NTN1: variants seen among roughly 807,000 people sequenced by gnomAD.
NTN1 encodes the protein netrin 1.
In NTN1, 11 loss-of-function variants were observed where a neutral mutation model predicts 54.2. The observed-to-expected ratio is 0.20, with a 90% CI of 0.13 to 0.34. The LOEUF is 0.34. Ranked by LOEUF, NTN1 falls within the 10% of genes least tolerant of loss-of-function variation. The pLI is 1.00. For synonymous variants in NTN1, 371 were observed against 382.0 expected, an observed-to-expected ratio of 0.97 and a Z score of 0.33; for missense variants, 740 against 893.1, an observed-to-expected ratio of 0.83 and a Z score of 2.18.
chr17:9,164,390 A>G (rs1328022038), intron 3 of NTN1, among the ~76,000 whole-genome samples: 1 of 150,488 alleles, frequency 6.6e-6, no homozygotes, highest in Non-Finnish European at 1.5e-5. Flanking sequence ...GCGCCACCGC[A>G]CTCCAGCCTG....
intron 6 of NTN1, among the ~76,000 whole-genome samples, chr17:9,231,420 G>C (rs1250605516): frequency 1.3e-5 from 2 of 152,216 alleles, no homozygotes; most frequent in Non-Finnish European, 2.9e-5. Context: ...GTGGCCCCCA[G>C]GTCTCAGCTC....
chr17:9,190,875 T>C (rs894840908), intron 5 of NTN1, among the ~76,000 whole-genome samples: 1 of 151,860 alleles, frequency 6.6e-6, no homozygotes, highest in African/African-American at 2.4e-5. Flanking sequence ...TCTAGAAACA[T>C]ACTCAAATGT....
intron 2 of NTN1, among the ~76,000 whole-genome samples, chr17:9,090,583 C>G (rs542987132): frequency 5.8e-4 from 88 of 152,200 alleles, no homozygotes; most frequent in African/African-American, 1.9e-3. Context: ...GAGGGGGATA[C>G]AGATGCCGGT....
At chr17:9,032,775 T>C (rs1359685725) in intron 2 of NTN1, among the ~76,000 whole-genome samples, 2 of 152,024 alleles carry the variant, frequency 1.3e-5, no homozygotes, top group Non-Finnish European at 2.9e-5. Context: ...CGTTTTCCTC[T>C]CCCCGAAGCC....
intron 2 of NTN1, among the ~76,000 whole-genome samples, chr17:9,093,855 T>C (rs2092121808): frequency 6.6e-6 from 1 of 152,114 alleles, no homozygotes; most frequent in Non-Finnish European, 1.5e-5. Flanking sequence ...GCGCCTGTAG[T>C]CCCAGCTACT....
At chr17:9,164,581 C>T (rs2092368638) in intron 3 of NTN1, among the ~76,000 whole-genome samples, 1 of 152,172 alleles carries the variant, frequency 6.6e-6, no homozygotes, top group Admixed American at 6.5e-5. Flanking sequence ...TGAATCCAAC[C>T]CAGCCCTGCT....
At chr17:9,111,839 G>T (rs2092192282) in intron 2 of NTN1, among the ~76,000 whole-genome samples, 1 of 152,150 alleles carries the variant, frequency 6.6e-6, no homozygotes, top group Non-Finnish European at 1.5e-5. Context: ...TTGCCTTCAT[G>T]TTGAATAGGC....
chr17:9,223,233 A>G (rs1335506841), intron 6 of NTN1, among the ~76,000 whole-genome samples: 1 of 152,180 alleles, frequency 6.6e-6, no homozygotes, highest in Non-Finnish European at 1.5e-5. Flanking sequence ...CCAAGCCAGG[A>G]AAGTAGGGGC....
chr17:9,060,773 C>T (rs12452446), intron 2 of NTN1, among the ~76,000 whole-genome samples: 45,268 of 151,778 alleles, frequency 0.3, 7,072 homozygotes, highest in East Asian at 0.42. Context: ...GTTAAGAGAT[C>T]GAGACCATCC....
At chr17:9,058,384 A>G (rs1328272878) in intron 2 of NTN1, among the ~76,000 whole-genome samples, 1 of 152,042 alleles carries the variant, frequency 6.6e-6, no homozygotes, top group Non-Finnish European at 1.5e-5. Context: ...GGCCTTTCTT[A>G]TTGTCTCAGG....
intron 2 of NTN1, among the ~76,000 whole-genome samples, chr17:9,129,316 C>T (rs1418194056): frequency 1.3e-5 from 2 of 152,002 alleles, no homozygotes; most frequent in African/African-American, 4.8e-5. Context: ...TGGAAGGCCC[C>T]AGAGCCCAGG....
At chr17:9,118,400 C>T (rs1272223486) in intron 2 of NTN1, among the ~76,000 whole-genome samples, 1 of 152,134 alleles carries the variant, frequency 6.6e-6, no homozygotes, top group Non-Finnish European at 1.5e-5. Context: ...CACCTGTAGT[C>T]CCAGCTATCC....
chr17:9,064,106 G>A (rs369756041), intron 2 of NTN1, among the ~76,000 whole-genome samples: 4 of 152,158 alleles, frequency 2.6e-5, no homozygotes, highest in Non-Finnish European at 5.9e-5. Context: ...GGGTTATATT[G>A]TTTGTAGGTA....
chr17:9,176,061 CTCTT>C (rs1276441750), intron 3 of NTN1: 11 of 152,264 alleles, frequency 7.2e-5, no homozygotes, highest in African/African-American at 2.2e-4. Context: ...GGGAGGCTCT[CTCTT>C]TGTCTCCCTC....
chr17:9,081,826 A>C (rs1344365573), intron 2 of NTN1, among the ~76,000 whole-genome samples: 3 of 152,206 alleles, frequency 2.0e-5, no homozygotes, highest in African/African-American at 7.2e-5. Context: ...CTGCACATTG[A>C]AGAAAGTCAG....
intron 2 of NTN1, among the ~76,000 whole-genome samples, chr17:9,059,423 C>G (rs758947149): frequency 6.6e-6 from 1 of 152,152 alleles, no homozygotes; most frequent in Non-Finnish European, 1.5e-5. Flanking sequence ...CCCACATGTC[C>G]GTGAACAAAT....
At chr17:9,200,920 G>A (rs770841658) in intron 5 of NTN1, among the ~76,000 whole-genome samples, 11 of 152,146 alleles carry the variant, frequency 7.2e-5, no homozygotes, top group Non-Finnish European at 1.2e-4. Context: ...AGTGGCAGGC[G>A]TCACTAAGAG....
intron 2 of NTN1, among the ~76,000 whole-genome samples, chr17:9,073,611 C>T (rs1456747875): frequency 6.6e-6 from 1 of 152,238 alleles, no homozygotes; most frequent in African/African-American, 2.4e-5. Context: ...GTGCAGGAGT[C>T]TCCTGTATAC....
intron 2 of NTN1, among the ~76,000 whole-genome samples, chr17:9,117,771 C>CAAAA (rs11414930): frequency 1.3e-4 from 16 of 126,770 alleles, no homozygotes; most frequent in Non-Finnish European, 9.9e-5. Context: ...ACAAAAAAAC[C>CAAAA]AAAAAAAAAA....
Sources: gnomAD v4.1 joint callset for allele counts (sites outside exome capture counted in the v4.1 genomes callset) on GRCh38, gnomAD v4.1.1 for gene constraint, MANE v1.5 for transcripts, NCBI Gene and HGNC (gene_info 2026-07-23, HGNC 2026-07-21) for gene names.